Variants in NBEAL2 observed in about 807,000 individuals in gnomAD.
NBEAL2 encodes the protein neurobeachin-like protein 2.
A neutral mutation model predicts 299.8 loss-of-function variants in NBEAL2; 160 were observed. That is an observed-to-expected ratio of 0.53 (90% CI 0.47 to 0.61). The LOEUF is 0.61. Ranked by LOEUF, NBEAL2 falls within the 20% of genes least tolerant of loss-of-function variation. The probability of loss-of-function intolerance (pLI) is 0.00; values close to 1 mark genes in which losing one functional copy is unlikely to be tolerated. For synonymous variants in NBEAL2, 1,493 were observed against 1,542.3 expected, an observed-to-expected ratio of 0.97 and a Z score of 0.75; for missense variants, 3,112 against 3,649.0, an observed-to-expected ratio of 0.85 and a Z score of 3.79.
intron 18 of NBEAL2, 96 bp downstream of exon 18, chr3:46,997,142 G>T: frequency 6.4e-7 from 1 of 1,554,128 alleles, no homozygotes; most frequent in Non-Finnish European, 8.8e-7. Context: ...TGCCTGGGGA[G>T]GATTTGGACA....
Position 46,999,277 on chromosome 3 carries a change from T to TG in NBEAL2, c.3544-38_3544-37insG, listed in dbSNP as rs1359130402. 9 of 1,576,528 alleles carry TG rather than the reference T, an allele frequency of 5.7e-6. No homozygotes were observed. In the Admixed American group the frequency reaches 1.6e-4, roughly 28 times the overall value. Reference sequence around the variant, plus strand: ...TGACTTCCCCTCCTACAGTAACTCCTTCCACATGATGACAGTCCTCCGATG... The same window carrying TG: ...TGACTTCCCCTCCTACAGTAACTCCTGTCCACATGATGACAGTCCTCCGATG... On this transcript the variant is annotated intron_variant, in intron 24 of 53. Coordinates refer to ENST00000450053, the MANE Select transcript of NBEAL2 (RefSeq NM_015175.3).
chr3:47,008,001 A>C, intron 49 of NBEAL2, 69 bp from the exon 50 acceptor site: 1 of 1,583,470 alleles, frequency 6.3e-7, no homozygotes, highest in Non-Finnish European at 8.6e-7. Flanking sequence ...GTCCTCCTCT[A>C]GTCTTGGACA....
At position 47,007,652 on chromosome 3, in the gene NBEAL2, G is replaced by A. The variant is rs749780440; in HGVS notation, c.7462G>A (p.Ala2488Thr). The change falls in exon 48 of 54, where the codon GCA becomes ACA. Residue 2488 changes from alanine (A) to threonine (T), a missense_variant. Coordinates refer to ENST00000450053, the MANE Select transcript of NBEAL2 (RefSeq NM_015175.3). ...CTGGGATGGCAGCCTGCGGGTGACT[G>A]CACTACCCCGTGGCAAGCTGTTGAG... ...GHWDGSLRVT[A>T]LPRGKLLSQL... 6.2e-7 allele frequency: 1 copy of A among 1,610,962 alleles called. No homozygotes were observed. Among genetic ancestry groups the A allele is most frequent in the Non-Finnish European group, 8.5e-7 (1 of 1,178,780 alleles).
At chr3:46,996,862 G>C in intron 17 of NBEAL2, 29 bp downstream of exon 17, 1 of 1,610,816 alleles carries the variant, frequency 6.2e-7, no homozygotes, top group Non-Finnish European at 8.5e-7. Context: ...GGAGTGGTTG[G>C]CTCGACTGTG....
intron 26 of NBEAL2, 66 bp from the exon 27 acceptor site, chr3:46,999,823 G>C (rs2036823330): frequency 6.3e-7 from 1 of 1,597,592 alleles, no homozygotes; most frequent in Non-Finnish European, 8.6e-7. Flanking sequence ...CCTCTGCAAA[G>C]GCCCTGGATG....
Position 46,997,714 on chromosome 3 carries a change from G to C in NBEAL2, c.2958+20G>C, listed in dbSNP as rs761013434. ...CGAAAGGTGGGGCCCGGTGGGACAG[G>C]CATGGGGGTTAGGGGTATGGTCAGC... On this transcript the variant is annotated intron_variant, in intron 20 of 53. Transcript: ENST00000450053. 1 of 1,489,814 alleles carries C rather than the reference G, an allele frequency of 6.7e-7. No homozygotes were observed. The highest frequency in any genetic ancestry group is 1.4e-5 in the South Asian group (1 of 73,746). 92.3% of individuals were successfully genotyped at this position (1,489,814 alleles called of 1,614,324 possible).
rs867630841 is a variant in NBEAL2, at chr3:47,003,052, T to C, written c.5555T>C (p.Leu1852Pro). 5.0e-6 allele frequency: 8 copies of C among 1,612,672 alleles called. No individual in the cohort carries two copies. The highest frequency in any genetic ancestry group is 5.1e-6 in the Non-Finnish European group (6 of 1,179,440). Residue 1852 changes from leucine (L) to proline (P), a missense_variant, in exon 34 of 54, where the codon CTG becomes CCG. Around this residue, in one of 3 missense-constraint regions of NBEAL2, gnomAD observed 2,243 missense variants for 2,538.1 expected, o/e 0.88. Transcript: ENST00000450053. The surrounding 1 kb of genome is among the most constrained non-coding windows in gnomAD (Gnocchi z 7.0). ...CCCAACCATCACTTCGACCCTCACC[T>C]GGAAGCCAGCGCTCTCCGAGACAAT... The part of the protein sequence containing the change: ...LVPNHHFDPH[L>P]EASALRDNLG...
intron 18 of NBEAL2, 59 bp from the exon 19 acceptor site, chr3:46,997,200 T>A: frequency 6.3e-7 from 1 of 1,597,378 alleles, no homozygotes; most frequent in South Asian, 1.1e-5. Context: ...TCTGCTGGGG[T>A]GGAGTAGGGC....
In NBEAL2 at chr3:46,991,726, C is replaced by T; in HGVS notation, c.925+38C>T. The T allele has an allele frequency of 7.0e-6, 11 of 1,578,842 alleles. No homozygotes were observed. Among genetic ancestry groups the T allele is most frequent in the Non-Finnish European group, 9.4e-6 (11 of 1,165,496 alleles). On this transcript the variant is annotated intron_variant, in intron 8 of 53. Transcript: ENST00000450053. This position sits in a 1 kb window ranked among gnomAD's most constrained non-coding sequence, Gnocchi z 6.2. Reference sequence around the variant, plus strand: ...TCCCAGGCTCTTGGGGAAGGGGCACCATGAGGGAAAAGCCTAAGTGATGAT... The same window carrying T: ...TCCCAGGCTCTTGGGGAAGGGGCACTATGAGGGAAAAGCCTAAGTGATGAT...
Position 47,001,229 on chromosome 3 carries a change from A to C in NBEAL2, c.4484+50A>C, listed in dbSNP as rs2036960665. The C allele has an allele frequency of 6.2e-7, 1 of 1,600,718 alleles. No homozygotes were observed. The highest frequency in any genetic ancestry group is 2.2e-5 in the East Asian group (1 of 44,626). On this transcript the variant is annotated intron_variant, in intron 28 of 53. Transcript: ENST00000450053. The surrounding 1 kb of genome is among the most constrained non-coding windows in gnomAD (Gnocchi z 6.1). ...AGGGGCTTCAGGAAGCCTCGGGGGA[A>C]GGAGAGAAGATAGTCAGGTAGACCC...
chr3:47,006,808 A>G (rs1353327265), intron 45 of NBEAL2, among the ~76,000 whole-genome samples: 2 of 152,130 alleles, frequency 1.3e-5, no homozygotes, highest in Non-Finnish European at 2.9e-5. Context: ...GGGACAAGGA[A>G]TAACAGGGTG....
chr3:47,004,699 G>A lies in NBEAL2; in HGVS notation c.6294+109G>A. 1 of 1,217,782 alleles carries A rather than the reference G, an allele frequency of 8.2e-7. No homozygotes were observed. The highest frequency in any genetic ancestry group is 1.2e-6 in the Non-Finnish European group (1 of 835,534). 75.4% of individuals were successfully genotyped at this position (1,217,782 alleles called of 1,614,324 possible). A position where few individuals can be genotyped will look rare whatever the true frequency, so the allele number is the denominator to read the frequency against. ...TGGGCCAAGCTCTGAGCTTGGTCAA[G>A]GGTAGATGTGCCAATGAAGACCTGG... On this transcript the variant is annotated intron_variant, in intron 38 of 53. Coordinates refer to ENST00000450053, the MANE Select transcript of NBEAL2 (RefSeq NM_015175.3). The surrounding 1 kb of genome is among the most constrained non-coding windows in gnomAD (Gnocchi z 5.0).
In NBEAL2 at chr3:47,001,267, C is replaced by T; in HGVS notation, c.4485-12C>T. The T allele has an allele frequency of 6.2e-7, 1 of 1,601,968 alleles. No individual in the cohort carries two copies. On this transcript the variant is annotated splice_polypyrimidine_tract_variant and intron_variant, in intron 28 of 53. Coordinates refer to ENST00000450053, the MANE Select transcript of NBEAL2 (RefSeq NM_015175.3). This position sits in a 1 kb window ranked among gnomAD's most constrained non-coding sequence, Gnocchi z 6.1. ...GTCAGGTAGACCCTTGAGTTCCCCA[C>T]TCACCCGCCAGCCTCCTGGAGATGA...
At chr3:46,992,646 G>A (rs894333045) in intron 10 of NBEAL2, 91 bp downstream of exon 10, 1 of 1,236,868 alleles carries the variant, frequency 8.1e-7, no homozygotes, top group African/African-American at 1.5e-5. Flanking sequence ...GAGCAGATGT[G>A]TGTAAGGCCT....
chr3:46,996,198 G>A, intron 15 of NBEAL2, 73 bp from the exon 16 acceptor site: 1 of 1,584,022 alleles, frequency 6.3e-7, no homozygotes, highest in Non-Finnish European at 8.6e-7. Context: ...GGGGGTCACT[G>A]TGAGGAACTG....
At chr3:47,006,097 G>A (rs767353304) in intron 43 of NBEAL2, 34 bp downstream of exon 43, 3 of 1,613,050 alleles carry the variant, frequency 1.9e-6, no homozygotes, top group Non-Finnish European at 2.5e-6. Flanking sequence ...TCAGGGCCAG[G>A]ACAAGATCAG....
rs1443182222 is a variant in NBEAL2, at chr3:47,009,573, C to T, written c.*253C>T. 1 of 506,922 alleles carries T rather than the reference C, an allele frequency of 2.0e-6. No individual in the cohort carries two copies. Among genetic ancestry groups the T allele is most frequent in the Non-Finnish European group, 3.5e-6 (1 of 286,508 alleles). The allele number at this position is 506,922 out of a possible 1,614,324, so 31.4% of individuals were successfully genotyped here. A position where few individuals can be genotyped will look rare whatever the true frequency, so the allele number is the denominator to read the frequency against. Reference sequence around the variant, plus strand: ...TGCGGCCGCAGCAGCACTTTTTGCACAGTCTGGGGCGGGGTTCCCCGGCTT... The same window carrying T: ...TGCGGCCGCAGCAGCACTTTTTGCATAGTCTGGGGCGGGGTTCCCCGGCTT... On this transcript the variant is annotated 3_prime_UTR_variant, in exon 54 of 54. Coordinates refer to ENST00000450053, the MANE Select transcript of NBEAL2 (RefSeq NM_015175.3).
At position 46,983,000 on chromosome 3, in the gene NBEAL2, G is replaced by A. The variant is rs1220358144; in HGVS notation, c.51+3088G>A. Among the ~76,000 whole-genome samples the A allele has an allele frequency of 1.3e-5, 2 of 152,166 alleles. No individual in the cohort carries two copies. The highest frequency in any genetic ancestry group is 1.5e-5 in the Non-Finnish European group (1 of 68,026). ...AGTGGCCCCTGTTCAGGCCGGAGCA[G>A]CAGTGATGTTCAGCAACCCCTCCAG... On this transcript the variant is annotated intron_variant, in intron 1 of 53. Coordinates refer to ENST00000450053, the MANE Select transcript of NBEAL2 (RefSeq NM_015175.3). This position sits in a 1 kb window ranked among gnomAD's most constrained non-coding sequence, Gnocchi z 4.2.
At chr3:46,986,861 G>T (rs2035704809) in intron 1 of NBEAL2, among the ~76,000 whole-genome samples, 1 of 152,220 alleles carries the variant, frequency 6.6e-6, no homozygotes, top group Non-Finnish European at 1.5e-5. Context: ...AATGGGAGAG[G>T]TTCAGAAGAA....
Sources: allele counts gnomAD v4.1 joint callset (sites outside exome capture counted in the v4.1 genomes callset), GRCh38; gene constraint gnomAD v4.1.1; regional missense constraint gnomAD v4.1.1; non-coding constraint Gnocchi (gnomAD v3.1); transcripts MANE v1.5; gene names NCBI Gene and HGNC (gene_info 2026-07-23, HGNC 2026-07-21).